ROBO2: variants seen among roughly 807,000 people sequenced by gnomAD.
The protein encoded by ROBO2 is roundabout homolog 2.
ROBO2 carries 53 observed loss-of-function variants against 160.8 expected under a neutral mutation model. The observed-to-expected ratio is 0.33, with a 90% CI of 0.26 to 0.41. The LOEUF is 0.41. Among genes scored for constraint, ROBO2 ranks in the 10% least tolerant of loss-of-function variants. The pLI is 1.00. For missense variants in ROBO2, 1,577 were observed against 1,722.4 expected (o/e 0.92, Z 1.49); for synonymous variants, 664 against 611.7 (o/e 1.09, Z -1.26).
At chr3:76,888,562 T>C (rs1310861962) in intron 2 of ROBO2, among the ~76,000 whole-genome samples, 1 of 152,198 alleles carries the variant, frequency 6.6e-6, no homozygotes, top group Admixed American at 6.5e-5. Flanking sequence ...TTATAACAAC[T>C]TCAATCAAAT....
intron 2 of ROBO2, among the ~76,000 whole-genome samples, chr3:77,455,702 T>C (rs1273561359): frequency 6.6e-6 from 1 of 151,844 alleles, no homozygotes; most frequent in Non-Finnish European, 1.5e-5. Context: ...ACTGCTGGGA[T>C]TACAGGCGTG....
At chr3:77,627,368 C>T (rs1198055216) in intron 23 of ROBO2, among the ~76,000 whole-genome samples, 1 of 152,168 alleles carries the variant, frequency 6.6e-6, no homozygotes, top group Non-Finnish European at 1.5e-5. Context: ...CAACCTCCGC[C>T]TCCCAGATTC....
At chr3:77,578,644 A>G (rs1559652525) in intron 15 of ROBO2, among the ~76,000 whole-genome samples, 1 of 152,118 alleles carries the variant, frequency 6.6e-6, no homozygotes, top group East Asian at 1.9e-4. Flanking sequence ...GATTTCTATC[A>G]TGTTGTAAAG....
intron 2 of ROBO2, among the ~76,000 whole-genome samples, chr3:76,324,867 G>T (rs2107936678): frequency 6.6e-6 from 1 of 152,278 alleles, no homozygotes; most frequent in South Asian, 2.1e-4. Context: ...TCTCCTTTGG[G>T]AGGCCAAGGC....
chr3:77,285,765 A>G (rs2060544693), intron 2 of ROBO2, among the ~76,000 whole-genome samples: 1 of 152,180 alleles, frequency 6.6e-6, no homozygotes, highest in African/African-American at 2.4e-5. Context: ...TCATGAAGAC[A>G]AGGCAAAACA....
At chr3:76,840,324 A>C (rs2068099993) in intron 2 of ROBO2, among the ~76,000 whole-genome samples, 1 of 151,906 alleles carries the variant, frequency 6.6e-6, no homozygotes, top group Non-Finnish European at 1.5e-5. Flanking sequence ...AAAAATTATG[A>C]AGTGGCTGGG....
At chr3:76,101,314 A>G (rs865897316) in intron 2 of ROBO2, among the ~76,000 whole-genome samples, 1 of 152,192 alleles carries the variant, frequency 6.6e-6, no homozygotes, top group African/African-American at 2.4e-5. Flanking sequence ...TTGCAACACT[A>G]TACAGACAGC....
At chr3:77,450,291 A>G (rs2080990792) in intron 2 of ROBO2, among the ~76,000 whole-genome samples, 2 of 152,154 alleles carry the variant, frequency 1.3e-5, no homozygotes, top group Non-Finnish European at 2.9e-5. Context: ...TTGATCACGC[A>G]GCTTCAACTA....
intron 2 of ROBO2, among the ~76,000 whole-genome samples, chr3:77,245,618 A>G (rs1373605362): frequency 1.3e-5 from 2 of 152,208 alleles, no homozygotes; most frequent in African/African-American, 4.8e-5. Context: ...CCAAAGGATG[A>G]AGCTGTGTGG....
chr3:77,002,956 A>G (rs1011572569), intron 2 of ROBO2, among the ~76,000 whole-genome samples: 1 of 144,394 alleles, frequency 6.9e-6, no homozygotes, highest in Non-Finnish European at 1.5e-5. Flanking sequence ...ACTGTAATTA[A>G]GGCAGATCAG....
Position 77,084,323 on chromosome 3 carries a change from T to C in ROBO2, c.62-13691T>C, listed in dbSNP as rs2149960454. ...TCTTAACATTTGTATACTTTTCATT[T>C]TCTTCCAGATTTTCAGTTGCTGGTT... On this transcript the variant is annotated intron_variant, in intron 1 of 25. Transcript: ENST00000461745. 2.6e-5 allele frequency among the ~76,000 whole-genome samples: 4 copies of C among 152,238 alleles called. No homozygotes were observed. In the South Asian group the frequency reaches 8.3e-4, roughly 32 times the overall value.
intron 2 of ROBO2, among the ~76,000 whole-genome samples, chr3:76,938,012 T>C (rs906648619): frequency 3.3e-5 from 5 of 152,122 alleles, no homozygotes; most frequent in Non-Finnish European, 7.3e-5. Flanking sequence ...ACTGGAAATA[T>C]CATGGAACTC....
intron 13 of ROBO2, among the ~76,000 whole-genome samples, chr3:77,568,977 G>A (rs760852704): frequency 1.3e-5 from 2 of 151,952 alleles, no homozygotes; most frequent in South Asian, 2.1e-4. Flanking sequence ...GTGGTAGCGC[G>A]TATCAGGGCT....
intron 1 of ROBO2, among the ~76,000 whole-genome samples, chr3:77,079,199 A>C (rs941269186): frequency 2.0e-5 from 3 of 152,152 alleles, no homozygotes; most frequent in Non-Finnish European, 4.4e-5. Context: ...CACCCACCTC[A>C]GCCTCCCAAA....
At chr3:76,552,674 C>T (rs1404052249) in intron 2 of ROBO2, among the ~76,000 whole-genome samples, 1 of 152,144 alleles carries the variant, frequency 6.6e-6, no homozygotes, top group Non-Finnish European at 1.5e-5. Flanking sequence ...ATGGCAAACA[C>T]TCTATTGTGA....
intron 2 of ROBO2, among the ~76,000 whole-genome samples, chr3:77,441,247 G>C (rs2079890213): frequency 6.6e-6 from 1 of 151,568 alleles, no homozygotes; most frequent in African/African-American, 2.4e-5. Flanking sequence ...AAACATGTTT[G>C]AAGATTGCTG....
intron 2 of ROBO2, among the ~76,000 whole-genome samples, chr3:76,550,545 G>T (rs751778890): frequency 2.0e-4 from 30 of 152,216 alleles, no homozygotes; most frequent in Non-Finnish European, 1.2e-4. Context: ...CAGGAGCCCT[G>T]CCCCCTTCCA....
intron 2 of ROBO2, among the ~76,000 whole-genome samples, chr3:76,149,444 C>T (rs974241448): frequency 6.6e-6 from 1 of 152,122 alleles, no homozygotes; most frequent in Non-Finnish European, 1.5e-5. Flanking sequence ...GCTGTCACTC[C>T]TGTCTAAAAC....
intron 2 of ROBO2, among the ~76,000 whole-genome samples, chr3:76,630,248 A>G (rs930713383): frequency 6.7e-6 from 1 of 150,168 alleles, no homozygotes; most frequent in Non-Finnish European, 1.5e-5. Context: ...TCATGTCTGC[A>G]TGAGTGTGGG....
Sources: gnomAD v4.1 joint callset for allele counts (sites outside exome capture counted in the v4.1 genomes callset) on GRCh38, gnomAD v4.1.1 for gene constraint, MANE v1.5 for transcripts, NCBI Gene and HGNC (gene_info 2026-07-23, HGNC 2026-07-21) for gene names.